The following BLVRA variants were observed in gnomAD, a reference collection of about 807,000 sequenced individuals.
The protein encoded by BLVRA is BVR A.
BLVRA carries 22 observed loss-of-function variants against 32.8 expected under a neutral mutation model. That is an observed-to-expected ratio of 0.67 (90% confidence interval 0.48 to 0.96). BLVRA has a LOEUF of 0.96. BLVRA is among the 40% of genes least tolerant of loss of function. BLVRA has a pLI of 0.00. For synonymous variants in BLVRA, 119 were observed against 141.3 expected, an observed-to-expected ratio of 0.84 and a Z score of 1.12; for missense variants, 323 against 358.1, an observed-to-expected ratio of 0.90 and a Z score of 0.79.
At chr7:43,798,472 G>C (rs1174310118) in intron 5 of BLVRA, among the ~76,000 whole-genome samples, 2 of 152,056 alleles carry the variant, frequency 1.3e-5, no homozygotes, top group African/African-American at 4.8e-5. Context: ...TCATAGCTTT[G>C]TTTTGTTTTT....
At chr7:43,796,822 C>T (rs1223775845) in intron 5 of BLVRA, among the ~76,000 whole-genome samples, 1 of 152,148 alleles carries the variant, frequency 6.6e-6, no homozygotes, top group East Asian at 1.9e-4. Context: ...AGATCAATAT[C>T]CAGAATGTCT....
chr7:43,800,562 C>T lies in BLVRA; in HGVS notation c.450C>T (p.Leu150=), dbSNP rs866731501. 3 of 1,613,824 alleles carry T rather than the reference C, an allele frequency of 1.9e-6. No homozygotes were observed. The highest frequency in any genetic ancestry group is 1.7e-6 in the Non-Finnish European group (2 of 1,179,790). ...GGAAAGACCTGCTGAAAGGGTCGCT[C>T]CTCTTCACAGGTCAGTGCTACGTGG... ...VVGKDLLKGS[L]LFTAGPLEEE... The change falls in exon 6 of 8, where the codon CTC becomes CTT. Residue 150 remains leucine, a synonymous_variant. Coordinates refer to ENST00000265523, the MANE Select transcript of BLVRA (RefSeq NM_000712.4).
chr7:43,772,805 G>A (rs2095756067), intron 2 of BLVRA, among the ~76,000 whole-genome samples: 1 of 152,180 alleles, frequency 6.6e-6, no homozygotes, highest in South Asian at 2.1e-4. Flanking sequence ...CGGCATGGGG[G>A]AAACCACCCC....
intron 1 of BLVRA, chr7:43,767,666 T>G (rs2095749718): frequency 1.6e-6 from 1 of 640,848 alleles, no homozygotes; most frequent in Admixed American, 2.1e-5. Flanking sequence ...AGGGGGGACA[T>G]CTGATTTGAA....
In BLVRA at chr7:43,807,022, C is replaced by T. The variant is rs2095804696; in HGVS notation, c.678C>T (p.Asn226=). Residue 226 remains asparagine, a synonymous_variant, in exon 8 of 8, where the codon AAC becomes AAT. Transcript: ENST00000265523. ...AAAAAGGACCTGGTCTAAAACGAAA[C>T]AGATATTTAAGCTTCCATTTCAAGT... The part of the protein sequence containing the change: ...IEEKGPGLKR[N]RYLSFHFKSG... 6.2e-7 allele frequency: 1 copy of T among 1,614,040 alleles called. No individual in the cohort carries two copies. Among genetic ancestry groups the T allele is most frequent in the Admixed American group, 1.7e-5 (1 of 60,006 alleles).
rs554921734 is a variant in BLVRA at position 43,790,546 on chromosome 7, A to G, written c.135-703A>G. 2.2e-4 allele frequency among the ~76,000 whole-genome samples: 33 copies of G among 152,256 alleles called. 1 individual carries two copies. Among genetic ancestry groups the G allele is most frequent in the Admixed American group, 1.8e-3 (28 of 15,284 alleles). On this transcript the variant is annotated intron_variant, in intron 3 of 7. Transcript: ENST00000265523. The stretch of plus-strand genomic sequence containing the variant: ...AGCTCGAAGTCGCATGCCAGTTTGC[A>G]CCCTAAATGTGTTAACGTATTGGAT...
intron 2 of BLVRA, among the ~76,000 whole-genome samples, chr7:43,780,209 C>T (rs961365973): frequency 2.0e-5 from 3 of 152,084 alleles, no homozygotes; most frequent in Non-Finnish European, 2.9e-5. Context: ...ACCCCAAGCC[C>T]GTTATAACCC....
At chr7:43,804,611 G>A (rs971734586) in intron 7 of BLVRA, among the ~76,000 whole-genome samples, 1 of 152,050 alleles carries the variant, frequency 6.6e-6, no homozygotes, top group African/African-American at 2.4e-5. Flanking sequence ...TTCCCCGCAG[G>A]GCCACACATT....
intron 5 of BLVRA, among the ~76,000 whole-genome samples, chr7:43,800,020 A>G (rs994376850): frequency 6.6e-6 from 1 of 152,042 alleles, no homozygotes; most frequent in African/African-American, 2.4e-5. Context: ...CAGTGATGCA[A>G]TCTTGGCCCA....
intron 1 of BLVRA, among the ~76,000 whole-genome samples, chr7:43,770,276 G>A (rs2095753096): frequency 6.6e-6 from 1 of 152,166 alleles, no homozygotes; most frequent in Non-Finnish European, 1.5e-5. Context: ...CCCAGTTTTA[G>A]TTAAAATACA....
chr7:43,770,481 C>G (rs1307756640), intron 1 of BLVRA, among the ~76,000 whole-genome samples: 1 of 152,084 alleles, frequency 6.6e-6, no homozygotes, highest in Non-Finnish European at 1.5e-5. Flanking sequence ...GGGAGTGAAA[C>G]CCAGAAATAT....
Position 43,787,647 on chromosome 7 carries a change from C to A in BLVRA, c.13-257C>A, listed in dbSNP as rs931352401. Among the ~76,000 whole-genome samples, 4 of 152,148 alleles carry A rather than the reference C, an allele frequency of 2.6e-5. No individual in the cohort carries two copies. The highest frequency in any genetic ancestry group is 9.7e-5 in the African/African-American group (4 of 41,426). ...AGTGGAGAGCCAAATTGGGGGAACACTTTCTGTGGGTACTCGGAAGGTTTT... is the reference window on the plus strand; with the variant it reads ...AGTGGAGAGCCAAATTGGGGGAACAATTTCTGTGGGTACTCGGAAGGTTTT... On this transcript the variant is annotated intron_variant, in intron 2 of 7. Coordinates refer to ENST00000265523, the MANE Select transcript of BLVRA (RefSeq NM_000712.4). This position sits in a 1 kb window ranked among gnomAD's most constrained non-coding sequence, Gnocchi z 4.5.
chr7:43,797,646 T>C (rs1256747845), intron 5 of BLVRA, among the ~76,000 whole-genome samples: 1 of 152,216 alleles, frequency 6.6e-6, no homozygotes, highest in Non-Finnish European at 1.5e-5. Flanking sequence ...TACAACAATC[T>C]AATCCTCAAA....
At chr7:43,796,126 A>G (rs2095792533) in intron 5 of BLVRA, among the ~76,000 whole-genome samples, 1 of 151,122 alleles carries the variant, frequency 6.6e-6, no homozygotes, top group South Asian at 2.1e-4. Flanking sequence ...TCTCACAAAA[A>G]AAAAAAAAAA....
In BLVRA at chr7:43,803,803, T is replaced by C; in HGVS notation, c.588T>C (p.Asp196=). 6.2e-7 allele frequency: 1 copy of C among 1,614,054 alleles called. No individual in the cohort carries two copies. Among genetic ancestry groups the C allele is most frequent in the South Asian group, 1.1e-5 (1 of 91,072 alleles). ...VSATLEERKE[D]QYMKMTVCLE... The stretch of plus-strand genomic sequence containing the variant: ...CCACTTTGGAAGAGCGAAAGGAAGA[T>C]CAGTATATGAAAATGACAGTGTGTC... Residue 196 remains aspartate (D), a synonymous_variant, in exon 7 of 8, where the codon GAT becomes GAC. Transcript: ENST00000265523.
chr7:43,788,699 G>A (rs1200729642), intron 3 of BLVRA, among the ~76,000 whole-genome samples: 6 of 151,958 alleles, frequency 3.9e-5, no homozygotes, highest in Admixed American at 6.6e-5. Context: ...AGCCTTGACC[G>A]TCTGGGCTCA....
At chr7:43,806,838 C>A in intron 7 of BLVRA, 139 bp from the exon 8 acceptor site, 1 of 913,574 alleles carries the variant, frequency 1.1e-6, no homozygotes, top group South Asian at 1.4e-5. Context: ...CAGTCACCCA[C>A]AGCCTCTGGG....
intron 1 of BLVRA, among the ~76,000 whole-genome samples, chr7:43,760,293 T>C (rs931207272): frequency 6.6e-6 from 1 of 150,658 alleles, no homozygotes; most frequent in African/African-American, 2.4e-5. Context: ...TTTGTTATAA[T>C]TGTATTTAGT....
At chr7:43,782,120 C>T (rs1454635275) in intron 2 of BLVRA, among the ~76,000 whole-genome samples, 3 of 152,202 alleles carry the variant, frequency 2.0e-5, no homozygotes, top group Non-Finnish European at 4.4e-5. Context: ...ATCCCCATGG[C>T]ATCTGACTTG....
Sources: gnomAD v4.1 joint callset for allele counts (sites outside exome capture counted in the v4.1 genomes callset) on GRCh38, gnomAD v4.1.1 for gene constraint, Gnocchi (gnomAD v3.1) non-coding constraint, MANE v1.5 for transcripts, NCBI Gene and HGNC (gene_info 2026-07-23, HGNC 2026-07-21) for gene names.